GPC3: variants seen among roughly 807,000 people sequenced by gnomAD.
GPC3 encodes glypican-3.
Under a neutral mutation model 34.4 loss-of-function variants are expected in GPC3, and 3 were observed. The observed-to-expected ratio is 0.09, with a 90% CI of 0.04 to 0.23. The LOEUF (loss-of-function observed/expected upper bound fraction) is 0.23. Among genes scored for constraint, GPC3 ranks in the 10% least tolerant of loss-of-function variants. The probability of loss-of-function intolerance (pLI) is 1.00; values close to 1 mark genes in which losing one functional copy is unlikely to be tolerated. For synonymous variants in GPC3, 177 were observed against 174.0 expected (o/e 1.02, Z -0.13); for missense variants, 351 against 445.6 (o/e 0.79, Z 1.91).
intron 2 of GPC3, among the ~76,000 whole-genome samples, chrX:133,783,778 G>A (rs914082058): frequency 8.9e-6 from 1 of 112,420 alleles, no homozygotes; most frequent in Non-Finnish European, 1.9e-5. Flanking sequence ...AAAAAATCAA[G>A]AGCTGAATGC....
At chrX:133,796,048 C>T (rs2075578741) in intron 2 of GPC3, among the ~76,000 whole-genome samples, 1 of 106,697 alleles carries the variant, frequency 9.4e-6, no homozygotes, top group Non-Finnish European at 1.9e-5. Context: ...CGGGTTCACG[C>T]CATTCTCCTG....
rs764136452 is a variant in GPC3, at chrX:133,982,315, ACT to A, written c.175+2958_175+2959del. 3.6e-5 allele frequency among the ~76,000 whole-genome samples: 4 copies of A among 111,806 alleles called. No individual in the cohort carries two copies. In the South Asian group the frequency reaches 1.5e-3, roughly 42 times the overall value. On this transcript the variant is annotated intron_variant, in intron 1 of 7. Transcript: ENST00000370818. ...ATATGGATTTTTCTGCCAAATGCTA[ACT>A]CTGTGCGCCTGGTTTCCATCTGTGG...
At chrX:133,642,073 T>C (rs1236511488) in intron 6 of GPC3, among the ~76,000 whole-genome samples, 1 of 61,186 alleles carries the variant, frequency 1.6e-5, no homozygotes, top group Non-Finnish European at 2.9e-5. Context: ...TAGTTTGGGG[T>C]TCCATTAGAT....
chrX:133,724,713 C>T (rs947520973), intron 3 of GPC3, among the ~76,000 whole-genome samples: 2 of 111,645 alleles, frequency 1.8e-5, no homozygotes, highest in Non-Finnish European at 3.8e-5. Flanking sequence ...ACTCTGGAAT[C>T]TTATAATTCT....
intron 1 of GPC3, among the ~76,000 whole-genome samples, chrX:133,976,225 G>A (rs757573361): frequency 4.5e-5 from 5 of 112,221 alleles, no homozygotes; most frequent in African/African-American, 9.7e-5. Context: ...GCATAAAGAT[G>A]TAGGGATATT....
At chrX:133,931,621 T>C (rs1295910183) in intron 2 of GPC3, among the ~76,000 whole-genome samples, 1 of 111,829 alleles carries the variant, frequency 8.9e-6, no homozygotes, top group Non-Finnish European at 1.9e-5. Context: ...AGGGATTAAA[T>C]AAATGTATTA....
Position 133,536,280 on chromosome X carries a change from A to T in GPC3, c.1587T>A (p.Asp529Glu). Residue 529 changes from aspartate to glutamate, a missense_variant, in exon 8 of 8, where the codon GAT (aspartate) becomes GAA (glutamate). By Grantham distance (45) the Asp-to-Glu change is conservative (BLOSUM62 2). Transcript: ENST00000370818. ...QLRFLAELAY[D>E]LDVDDAPGNS... Reference sequence around the variant, plus strand: ...TTCCAGGCGCATCATCCACATCCAGATCATAGGCCAGTTCTGTCAATCAAA... The same window carrying T: ...TTCCAGGCGCATCATCCACATCCAGTTCATAGGCCAGTTCTGTCAATCAAA... The T allele has an allele frequency of 8.3e-7, 1 of 1,201,285 alleles. No individual in the cohort carries two copies.
chrX:133,943,535 CTAGTTT>C (rs1326462829), intron 2 of GPC3, among the ~76,000 whole-genome samples: 2 of 112,331 alleles, frequency 1.8e-5, no homozygotes, highest in African/African-American at 6.5e-5. Flanking sequence ...CCAAACTCTC[CTAGTTT>C]TAGTCTCCTT....
At chrX:133,966,674 ACACT>A (rs1200636473) in intron 1 of GPC3, among the ~76,000 whole-genome samples, 1 of 111,907 alleles carries the variant, frequency 8.9e-6, no homozygotes, top group African/African-American at 3.2e-5. Flanking sequence ...AGAAAATCAA[ACACT>A]CACTCTTGAT....
chrX:133,892,358 C>T (rs1251249158), intron 2 of GPC3, among the ~76,000 whole-genome samples: 1 of 111,341 alleles, frequency 9.0e-6, no homozygotes, highest in Non-Finnish European at 1.9e-5. Context: ...TTTGCTCCTT[C>T]ACTACTCCTT....
At position 133,753,727 on chromosome X, in the gene GPC3, A is replaced by T. The variant is rs1447010765; in HGVS notation, c.787T>A (p.Ser263Thr). Residue 263 changes from serine (S) to threonine (T), a missense_variant, in exon 3 of 8, where the codon TCT becomes ACT. Transcript: ENST00000370818. ...ACCATCATCAGTCCCTGGCAGTAAG[A>T]GCAGTACCACATTCTGGTGAGCATT... ...GRMLTRMWYC[S>T]YCQGLMMVKP... is the part of the protein sequence containing the mutation. The T allele has an allele frequency of 3.3e-6, 4 of 1,209,539 alleles. No homozygotes were observed. The highest frequency in any genetic ancestry group is 4.5e-6 in the Non-Finnish European group (4 of 894,678).
intron 3 of GPC3, among the ~76,000 whole-genome samples, chrX:133,708,552 C>A (rs1415466081): frequency 8.9e-6 from 1 of 111,921 alleles, no homozygotes; most frequent in East Asian, 2.8e-4. Flanking sequence ...GATGGGATCA[C>A]TGGGACCCGA....
intron 3 of GPC3, among the ~76,000 whole-genome samples, chrX:133,749,026 G>T (rs979870460): frequency 1.8e-5 from 2 of 111,879 alleles, no homozygotes; most frequent in Non-Finnish European, 3.8e-5. Flanking sequence ...GGGAGGCTGA[G>T]GCAGGTGGAT....
chrX:133,770,532 G>A (rs944558427), intron 2 of GPC3, among the ~76,000 whole-genome samples: 2 of 111,335 alleles, frequency 1.8e-5, no homozygotes, highest in Non-Finnish European at 3.8e-5. Flanking sequence ...TGTGTTGTCC[G>A]AGCACCTCTG....
At chrX:133,858,938 G>A (rs1202192424) in intron 2 of GPC3, among the ~76,000 whole-genome samples, 5 of 109,322 alleles carry the variant, frequency 4.6e-5, no homozygotes, top group East Asian at 2.9e-4. Flanking sequence ...AAAATTAGCC[G>A]GGCATGGTGG....
intron 2 of GPC3, among the ~76,000 whole-genome samples, chrX:133,880,830 A>G (rs186753309): frequency 4.5e-5 from 5 of 111,933 alleles, no homozygotes; most frequent in Non-Finnish European, 9.4e-5. Flanking sequence ...TCAAAACATC[A>G]TCCTAAACTA....
intron 2 of GPC3, among the ~76,000 whole-genome samples, chrX:133,779,102 T>C (rs930935928): frequency 1.8e-5 from 2 of 112,063 alleles, no homozygotes; most frequent in Non-Finnish European, 3.8e-5. Flanking sequence ...AGTTAATTCC[T>C]GGCTCAGTTA....
chrX:133,928,729 T>A lies in GPC3; in HGVS notation c.337+24321A>T, dbSNP rs183408415. Among the ~76,000 whole-genome samples the A allele has an allele frequency of 2.5e-4, 28 of 112,388 alleles. 3 individuals carry two copies. The East Asian group carries it at 4.5e-3, about 18-fold the overall frequency. ...CAGGTACCTGTTGGCTATTTTTATG[T>A]CATCTTTGGAGAAATATCTATTCAA... On this transcript the variant is annotated intron_variant, in intron 2 of 7. Transcript: ENST00000370818.
chrX:133,591,336 G>C (rs1269293009), intron 7 of GPC3, among the ~76,000 whole-genome samples: 2 of 111,607 alleles, frequency 1.8e-5, no homozygotes, highest in East Asian at 5.6e-4. Flanking sequence ...CCAAATTTTA[G>C]GTAAAATTGT....
Sources: allele counts gnomAD v4.1 joint callset (sites outside exome capture counted in the v4.1 genomes callset), GRCh38; gene constraint gnomAD v4.1.1; transcripts MANE v1.5; gene names NCBI Gene and HGNC (gene_info 2026-07-23, HGNC 2026-07-21).